The following FAAH2 variants were observed in gnomAD, a reference collection of about 807,000 sequenced individuals.
The protein encoded by FAAH2 is fatty-acid amide hydrolase 2.
Under a neutral mutation model 36.9 loss-of-function variants are expected in FAAH2, and 60 were observed. The observed-to-expected ratio is 1.63, with a 90% CI of 1.32 to 2.02. The LOEUF (loss-of-function observed/expected upper bound fraction) is 2.02. FAAH2 is among the 30% of genes most tolerant of loss of function. The pLI is 0.00. For missense variants in FAAH2, 689 were observed against 397.5 expected (o/e 1.73, Z -6.23); for synonymous variants, 214 against 143.8 (o/e 1.49, Z -3.49).
the FAAH2 span, among the ~76,000 whole-genome samples, chrX:57,274,547 A>G: frequency 8.9e-6 from 1 of 112,055 alleles, no homozygotes; most frequent in Non-Finnish European, 1.9e-5. Context: ...CATCAAAAAG[A>G]TTATCCACTA....
chrX:57,454,970 A>G (rs1367517152), intron 10 of FAAH2, among the ~76,000 whole-genome samples: 1 of 111,424 alleles, frequency 9.0e-6, no homozygotes, highest in African/African-American at 3.3e-5. Flanking sequence ...GATACTACAC[A>G]AGATGACAAA....
At chrX:57,307,424 G>T (rs1602224771) in intron 2 of FAAH2, among the ~76,000 whole-genome samples, 1 of 110,687 alleles carries the variant, frequency 9.0e-6, no homozygotes, top group South Asian at 3.9e-4. Flanking sequence ...AGTAAATAGT[G>T]GAGCTGAGAT....
intron 8 of FAAH2, among the ~76,000 whole-genome samples, chrX:57,433,657 A>G (rs1156680349): frequency 8.9e-6 from 1 of 112,148 alleles, no homozygotes; most frequent in Non-Finnish European, 1.9e-5. Context: ...ATAATATACA[A>G]CAAAGTACTT....
At chrX:57,342,830 G>A (rs2053720638) in intron 5 of FAAH2, among the ~76,000 whole-genome samples, 1 of 111,302 alleles carries the variant, frequency 9.0e-6, no homozygotes, top group African/African-American at 3.3e-5. Flanking sequence ...TTCTGTCCAT[G>A]TGTACTCAAG....
At chrX:57,415,039 A>G (rs762685926) in intron 7 of FAAH2, among the ~76,000 whole-genome samples, 3 of 109,265 alleles carry the variant, frequency 2.7e-5, no homozygotes, top group Non-Finnish European at 5.7e-5. Context: ...GTATTCTCTG[A>G]TGGTAGTTTG....
At chrX:57,266,589 C>T in the FAAH2 span, among the ~76,000 whole-genome samples, 1 of 112,366 alleles carries the variant, frequency 8.9e-6, no homozygotes, top group Non-Finnish European at 1.9e-5. Flanking sequence ...AAGTGCCTAT[C>T]CACAACTTTA....
At chrX:57,262,793 C>T in the FAAH2 span, among the ~76,000 whole-genome samples, 1 of 111,279 alleles carries the variant, frequency 9.0e-6, no homozygotes, top group African/African-American at 3.3e-5. Flanking sequence ...TCCAAAGATA[C>T]AAGGCTGGTT....
At chrX:57,218,096 G>C in the FAAH2 span, among the ~76,000 whole-genome samples, 633 of 111,961 alleles carry the variant, frequency 5.7e-3, 4 homozygotes, top group Middle Eastern at 0.028. Flanking sequence ...GGAGCTTTCT[G>C]GAGGAGTCCT....
intron 4 of FAAH2, among the ~76,000 whole-genome samples, chrX:57,340,290 G>A (rs2053654724): frequency 9.0e-6 from 1 of 111,646 alleles, no homozygotes; most frequent in African/African-American, 3.3e-5. Flanking sequence ...ATTAGATGGT[G>A]CCTGTTGTGA....
the FAAH2 span, among the ~76,000 whole-genome samples, chrX:57,170,726 A>G: frequency 1.9e-5 from 2 of 105,394 alleles, no homozygotes; most frequent in Non-Finnish European, 3.9e-5. Flanking sequence ...TGTGTGTGTC[A>G]TGGAGTCACA....
At chrX:57,307,518 G>A (rs962478381) in intron 2 of FAAH2, among the ~76,000 whole-genome samples, 5 of 111,010 alleles carry the variant, frequency 4.5e-5, no homozygotes, top group African/African-American at 9.8e-5. Context: ...ACATATTCTA[G>A]CAGCTGTATT....
chrX:57,277,192 C>G, the FAAH2 span, among the ~76,000 whole-genome samples: 4 of 111,644 alleles, frequency 3.6e-5, no homozygotes, highest in Non-Finnish European at 7.5e-5. Flanking sequence ...TACTGGCAAA[C>G]CGATTCCAGC....
At chrX:57,434,905 C>T (rs1319445658) in intron 8 of FAAH2, among the ~76,000 whole-genome samples, 1 of 110,628 alleles carries the variant, frequency 9.0e-6, no homozygotes, top group Non-Finnish European at 1.9e-5. Flanking sequence ...TGAAAGAAAC[C>T]CCATCAGACT....
At chrX:57,191,828 C>T in the FAAH2 span, among the ~76,000 whole-genome samples, 3 of 111,792 alleles carry the variant, frequency 2.7e-5, no homozygotes, top group African/African-American at 9.7e-5. Context: ...TCTCTATTCT[C>T]TTCTATTGGT....
chrX:57,318,395 G>A (rs960797385), intron 3 of FAAH2, among the ~76,000 whole-genome samples: 3 of 111,671 alleles, frequency 2.7e-5, no homozygotes, highest in East Asian at 5.6e-4. Flanking sequence ...ACACCTTTAC[G>A]CAAATAAACT....
chrX:57,438,113 T>C (rs1031398528), intron 8 of FAAH2, among the ~76,000 whole-genome samples: 3 of 105,345 alleles, frequency 2.8e-5, no homozygotes, highest in Admixed American at 1.1e-4. Flanking sequence ...ATGTATTGAA[T>C]TGTGTATATG....
intron 5 of FAAH2, among the ~76,000 whole-genome samples, chrX:57,361,915 A>G (rs1005382981): frequency 4.5e-5 from 5 of 111,309 alleles, no homozygotes; most frequent in Non-Finnish European, 9.4e-5. Flanking sequence ...GGTAGGCACA[A>G]TAGTCTAAGT....
chrX:57,302,387 G>T (rs191827539), intron 2 of FAAH2, among the ~76,000 whole-genome samples: 1 of 111,859 alleles, frequency 8.9e-6, no homozygotes, highest in Non-Finnish European at 1.9e-5. Context: ...GTTATTGAAT[G>T]CTTACTATAC....
intron 10 of FAAH2, among the ~76,000 whole-genome samples, chrX:57,471,309 C>T (rs774272482): frequency 9.0e-6 from 1 of 111,607 alleles, no homozygotes; most frequent in East Asian, 2.8e-4. Context: ...TCAAATTGTC[C>T]CTGTTTGCAG....
Sources: allele counts gnomAD v4.1 joint callset (sites outside exome capture counted in the v4.1 genomes callset), GRCh38; gene constraint gnomAD v4.1.1; transcripts MANE v1.5; gene names NCBI Gene and HGNC (gene_info 2026-07-23, HGNC 2026-07-21).